The following SHISA6 variants were observed in gnomAD, a reference collection of about 807,000 sequenced individuals.
The protein encoded by SHISA6 is protein shisa-6.
Under a neutral mutation model 47.9 loss-of-function variants are expected in SHISA6, and 22 were observed. The ratio of observed to expected loss-of-function variants is 0.46; its 90% CI spans 0.33 to 0.66. SHISA6 has a LOEUF of 0.66. Among genes scored for constraint, SHISA6 ranks in the 30% least tolerant of loss-of-function variants. The pLI is 0.02. For missense variants in SHISA6, 680 were observed against 764.6 expected, an observed-to-expected ratio of 0.89 and a Z score of 1.30; for synonymous variants, 388 against 337.8, an observed-to-expected ratio of 1.15 and a Z score of -1.63.
rs978752360 is a variant in SHISA6, at chr17:11,379,400, C to A, written c.800-14C>A. The A allele has an allele frequency of 2.3e-5, 35 of 1,527,538 alleles. No homozygotes were observed. Among genetic ancestry groups the A allele is most frequent in the Non-Finnish European group, 3.0e-5 (34 of 1,132,524 alleles). The allele number at this position is 1,527,538 out of a possible 1,614,324, so 94.6% of individuals were successfully genotyped here. A position where few individuals can be genotyped will look rare whatever the true frequency, so the allele number is the denominator to read the frequency against. ...CGTGGATGCGCCAGGTAATTCTGCCCCATCTTCTTGCAGGGCATTATGGGA... is the reference window on the plus strand; with the variant it reads ...CGTGGATGCGCCAGGTAATTCTGCCACATCTTCTTGCAGGGCATTATGGGA... On this transcript the variant is annotated splice_polypyrimidine_tract_variant and intron_variant, in intron 2 of 5. Coordinates refer to ENST00000441885, the MANE Select transcript of SHISA6 (RefSeq NM_207386.4).
At chr17:11,283,933 G>A (rs1268976054) in intron 2 of SHISA6, among the ~76,000 whole-genome samples, 2 of 152,092 alleles carry the variant, frequency 1.3e-5, no homozygotes, top group African/African-American at 4.8e-5. Flanking sequence ...AGACTTGATA[G>A]TTTTTTTGGT....
intron 3 of SHISA6, among the ~76,000 whole-genome samples, chr17:11,534,348 C>T: frequency 6.6e-6 from 1 of 152,056 alleles, no homozygotes; most frequent in South Asian, 2.1e-4. Flanking sequence ...AATTGAGCAC[C>T]TACTATGAGC....
chr17:11,386,214 A>C (rs1567591343), intron 3 of SHISA6, among the ~76,000 whole-genome samples: 1 of 152,142 alleles, frequency 6.6e-6, no homozygotes, highest in Non-Finnish European at 1.5e-5. Context: ...CGTCTCTACT[A>C]AAAATACAAA....
chr17:11,274,353 G>A (rs974694142), intron 2 of SHISA6, among the ~76,000 whole-genome samples: 1 of 152,198 alleles, frequency 6.6e-6, no homozygotes, highest in Non-Finnish European at 1.5e-5. Flanking sequence ...AAAGCACGGA[G>A]GACAGGGTTA....
At chr17:11,344,326 G>A (rs1307392976) in intron 2 of SHISA6, among the ~76,000 whole-genome samples, 1 of 152,088 alleles carries the variant, frequency 6.6e-6, no homozygotes, top group East Asian at 1.9e-4. Context: ...TTAAAAATAT[G>A]ATGAAATACA....
intron 3 of SHISA6, among the ~76,000 whole-genome samples, chr17:11,464,403 C>T (rs1915761158): frequency 6.6e-6 from 1 of 152,166 alleles, no homozygotes; most frequent in Non-Finnish European, 1.5e-5. Flanking sequence ...AGGCAGGAGG[C>T]TCTACTTTCC....
At chr17:11,306,823 CT>C (rs1910125269) in intron 2 of SHISA6, among the ~76,000 whole-genome samples, 9 of 152,178 alleles carry the variant, frequency 5.9e-5, no homozygotes, top group Admixed American at 5.9e-4. Context: ...CTTAAATCTG[CT>C]TTATCCTTTG....
chr17:11,420,806 A>G (rs1414909853), intron 3 of SHISA6, among the ~76,000 whole-genome samples: 1 of 152,158 alleles, frequency 6.6e-6, no homozygotes, highest in Admixed American at 6.5e-5. Flanking sequence ...GAACCAGTCA[A>G]TTGGCTAAGA....
chr17:11,547,714 T>C (rs915875949), intron 3 of SHISA6, among the ~76,000 whole-genome samples: 3 of 152,004 alleles, frequency 2.0e-5, no homozygotes, highest in Admixed American at 6.6e-5. Flanking sequence ...TGTAAAATAA[T>C]GATGGGAAGA....
chr17:11,476,796 GT>G (rs1302206712), intron 3 of SHISA6, among the ~76,000 whole-genome samples: 1 of 152,092 alleles, frequency 6.6e-6, no homozygotes, highest in Non-Finnish European at 1.5e-5. Flanking sequence ...GTGTTATTGA[GT>G]TTAACTAGGT....
intron 3 of SHISA6, among the ~76,000 whole-genome samples, chr17:11,454,732 A>G (rs1229547127): frequency 6.6e-6 from 1 of 152,110 alleles, no homozygotes; most frequent in Non-Finnish European, 1.5e-5. Flanking sequence ...GCTTATCCAA[A>G]TGGGTTATTT....
intron 2 of SHISA6, among the ~76,000 whole-genome samples, chr17:11,340,769 G>T (rs1200784936): frequency 6.6e-6 from 1 of 152,216 alleles, no homozygotes; most frequent in African/African-American, 2.4e-5. Flanking sequence ...ACAAGGCTGG[G>T]ATCACAGACA....
chr17:11,359,650 C>A (rs866604937), intron 2 of SHISA6, among the ~76,000 whole-genome samples: 62 of 152,250 alleles, frequency 4.1e-4, no homozygotes, highest in African/African-American at 1.4e-3. Context: ...AAGAGTATTT[C>A]AAACTCTTAG....
At chr17:11,426,633 T>A (rs1220442933) in intron 3 of SHISA6, among the ~76,000 whole-genome samples, 1 of 152,240 alleles carries the variant, frequency 6.6e-6, no homozygotes, top group African/African-American at 2.4e-5. Flanking sequence ...AAATATTATA[T>A]TTATTTTTGA....
intron 1 of SHISA6, among the ~76,000 whole-genome samples, chr17:11,255,495 T>C (rs1225076216): frequency 6.6e-6 from 1 of 152,240 alleles, no homozygotes; most frequent in Non-Finnish European, 1.5e-5. Context: ...AAGCTGTGAA[T>C]ACCTTCATTT....
intron 3 of SHISA6, among the ~76,000 whole-genome samples, chr17:11,529,241 A>G (rs1316666864): frequency 1.3e-5 from 2 of 152,064 alleles, no homozygotes; most frequent in African/African-American, 4.8e-5. Flanking sequence ...CCTTAAAACT[A>G]TGGAATAGTT....
intron 2 of SHISA6, chr17:11,290,194 A>G (rs1159131291): frequency 1.3e-5 from 2 of 149,670 alleles, no homozygotes; most frequent in African/African-American, 2.5e-5. Flanking sequence ...ATTATACCCA[A>G]TTTTGGAAAT....
intron 3 of SHISA6, among the ~76,000 whole-genome samples, chr17:11,393,529 C>G (rs1457190697): frequency 1.3e-5 from 2 of 152,192 alleles, no homozygotes; most frequent in Non-Finnish European, 2.9e-5. Context: ...ATGTACCTTC[C>G]TAACCTAATG....
chr17:11,241,668 G>T lies in SHISA6; in HGVS notation c.246G>T (p.Ala82=), dbSNP rs1220929971. 35 of 1,460,960 alleles carry T rather than the reference G, an allele frequency of 2.4e-5. No individual in the cohort carries two copies. The highest frequency in any genetic ancestry group is 2.0e-5 in the Non-Finnish European group (22 of 1,112,794). 90.5% of individuals were successfully genotyped at this position (1,460,960 alleles called of 1,614,324 possible). The change falls in exon 1 of 6, where the codon GCG becomes GCT. Residue 82 remains alanine (A), a synonymous_variant. Coordinates refer to ENST00000441885, the MANE Select transcript of SHISA6 (RefSeq NM_207386.4). This position sits in a 1 kb window ranked among gnomAD's most constrained non-coding sequence, Gnocchi z 5.5. ...SRRGQPAAAV[A]AAASAAVTYE... is the part of the protein sequence containing the mutation. The stretch of plus-strand genomic sequence containing the variant: ...GGGGGCAGCCCGCGGCGGCTGTGGC[G>T]GCGGCGGCCAGCGCGGCCGTCACCT...
Sources: gnomAD v4.1 joint callset for allele counts (sites outside exome capture counted in the v4.1 genomes callset) on GRCh38, gnomAD v4.1.1 for gene constraint, Gnocchi (gnomAD v3.1) non-coding constraint, MANE v1.5 for transcripts, NCBI Gene and HGNC (gene_info 2026-07-23, HGNC 2026-07-21) for gene names.